Variants in WWTR1 observed in about 807,000 individuals in gnomAD.
The protein encoded by WWTR1 is WW domain containing transcription regulator 1.
A neutral mutation model predicts 40.1 loss-of-function variants in WWTR1; 13 were observed. That is an observed-to-expected ratio of 0.32 (90% CI 0.21 to 0.52). WWTR1 has a LOEUF of 0.52. Ranked by LOEUF, WWTR1 falls within the 20% of genes least tolerant of loss-of-function variation. The pLI is 0.97. For missense variants in WWTR1, 436 were observed against 523.1 expected (o/e 0.83, Z 1.63); for synonymous variants, 230 against 210.1 (o/e 1.09, Z -0.82).
chr3:149,705,245 C>T (rs1022687978), upstream of WWTR1, among the ~76,000 whole-genome samples: 3 of 151,980 alleles, frequency 2.0e-5, no homozygotes, highest in Non-Finnish European at 4.4e-5. Flanking sequence ...CATAATAAAT[C>T]AATAATTCAA....
chr3:149,713,111 CAGAAA>C (rs1347446190), intron 5 of WWTR1, among the ~76,000 whole-genome samples: 1 of 152,068 alleles, frequency 6.6e-6, no homozygotes, highest in Admixed American at 6.6e-5. Context: ...AGGTAATACT[CAGAAA>C]AGAAAAGGGT....
intron 3 of WWTR1, among the ~76,000 whole-genome samples, chr3:149,565,835 C>T (rs1300339495): frequency 1.4e-5 from 2 of 147,794 alleles, no homozygotes; most frequent in Non-Finnish European, 3.0e-5. Context: ...TGCTTGAACC[C>T]GGGAGGTGGA....
At chr3:149,721,096 C>T (rs1004485212) in intron 4 of WWTR1, among the ~76,000 whole-genome samples, 1 of 151,996 alleles carries the variant, frequency 6.6e-6, no homozygotes, top group African/African-American at 2.4e-5. Context: ...ATTTTAGATG[C>T]CTTTCATTTC....
intron 2 of WWTR1, among the ~76,000 whole-genome samples, chr3:149,651,136 G>T (rs1449913572): frequency 1.3e-5 from 2 of 152,112 alleles, no homozygotes; most frequent in African/African-American, 4.8e-5. Flanking sequence ...AGTATTTTTT[G>T]AATGACAAAG....
chr3:149,539,924 T>C (rs1025748622), intron 4 of WWTR1, among the ~76,000 whole-genome samples: 2 of 152,050 alleles, frequency 1.3e-5, no homozygotes, highest in Non-Finnish European at 2.9e-5. Flanking sequence ...TCTTAAATCA[T>C]ATCTTTGACA....
chr3:149,670,659 G>GAAAA (rs1410316477), intron 1 of WWTR1: 1 of 135,524 alleles, frequency 7.4e-6, no homozygotes, highest in African/African-American at 2.9e-5. Context: ...AAAAAAAAAA[G>GAAAA]AAAAGAAAAG....
rs1736234112 is a variant in WWTR1 at position 149,543,597 on chromosome 3, A to AAGAAAG, written c.569-1061_569-1060insCTTTCT. Among the ~76,000 whole-genome samples the AAGAAAG allele has an allele frequency of 1.4e-5, 2 of 146,546 alleles. 1 individual carries two copies. The highest frequency in any genetic ancestry group is 3.9e-4 in the East Asian group (2 of 5,102). On this transcript the variant is annotated intron_variant, in intron 3 of 6. Transcript: ENST00000360632. ...CTCTGTCTCAAAAAAAAAAAAAAAA[A>AAGAAAG]AAAAAAGAACTTCACTTTACAAAAA...
chr3:149,702,985 G>A (rs1715242720), intron 1 of WWTR1: 1 of 152,202 alleles, frequency 6.6e-6, no homozygotes, highest in African/African-American at 2.4e-5. Flanking sequence ...TGGGGTTAAA[G>A]ATGTAGAAAG....
At position 149,632,340 on chromosome 3, in the gene WWTR1, G is replaced by A. The variant is rs527858837; in HGVS notation, c.431+24536C>T. Among the ~76,000 whole-genome samples the A allele has an allele frequency of 1.1e-4, 16 of 152,282 alleles. No homozygotes were observed. The East Asian group carries it at 1.7e-3, about 17-fold the overall frequency. On this transcript the variant is annotated intron_variant, in intron 2 of 6. Transcript: ENST00000360632. ...GCTCTGACTCTAAGGAAACAGGCAA[G>A]GTAGTTCCCACTTTACCAACGAGGA... is the stretch of plus-strand genomic sequence containing the variant.
chr3:149,614,141 G>A (rs555583318), intron 2 of WWTR1, among the ~76,000 whole-genome samples: 1 of 152,248 alleles, frequency 6.6e-6, no homozygotes, highest in South Asian at 2.1e-4. Context: ...TCCTCTGAGA[G>A]CTATTACTGA....
intron 2 of WWTR1, among the ~76,000 whole-genome samples, chr3:149,637,116 C>T (rs560535500): frequency 6.6e-6 from 1 of 152,084 alleles, no homozygotes; most frequent in South Asian, 2.1e-4. Context: ...TCTATTATTT[C>T]TAAACTCAAT....
chr3:149,639,095 C>G (rs1000676992), intron 2 of WWTR1, among the ~76,000 whole-genome samples: 12 of 152,280 alleles, frequency 7.9e-5, no homozygotes, highest in Non-Finnish European at 1.5e-4. Flanking sequence ...TCAAGGCAGC[C>G]CATTCCAAAA....
intron 2 of WWTR1, among the ~76,000 whole-genome samples, chr3:149,612,102 C>T (rs142698541): frequency 1.3e-4 from 20 of 152,272 alleles, no homozygotes; most frequent in African/African-American, 4.8e-4. Context: ...TAGGAAGACA[C>T]TCATATTGGA....
At chr3:149,612,529 G>C (rs900854173) in intron 2 of WWTR1, among the ~76,000 whole-genome samples, 8 of 152,130 alleles carry the variant, frequency 5.3e-5, no homozygotes, top group African/African-American at 1.7e-4. Flanking sequence ...GTGTTCGGAT[G>C]AGTCCCTTAA....
chr3:149,527,157 CT>C (rs71135697), intron 5 of WWTR1, among the ~76,000 whole-genome samples: 36 of 72,112 alleles, frequency 5.0e-4, no homozygotes, highest in East Asian at 3.2e-3. Context: ...TCTTTTCTTT[CT>C]TTTTTTTTTT....
chr3:149,623,479 TG>T (rs1740409050), intron 2 of WWTR1, among the ~76,000 whole-genome samples: 1 of 152,244 alleles, frequency 6.6e-6, no homozygotes, highest in African/African-American at 2.4e-5. Flanking sequence ...AATGGAATTC[TG>T]GGCAGTCCCA....
chr3:149,557,620 C>A (rs1736888449), intron 3 of WWTR1, among the ~76,000 whole-genome samples: 1 of 152,150 alleles, frequency 6.6e-6, no homozygotes, highest in South Asian at 2.1e-4. Flanking sequence ...CACACAAGGC[C>A]CCATGGTATG....
intron 1 of WWTR1, among the ~76,000 whole-genome samples, chr3:149,675,723 CT>C (rs142798215): frequency 0.044 from 6,502 of 146,728 alleles, 278 homozygotes; most frequent in East Asian, 0.13. Flanking sequence ...AAATTTCTTT[CT>C]TTTTTTTTTT....
intron 2 of WWTR1, among the ~76,000 whole-genome samples, chr3:149,635,999 G>A (rs1272703286): frequency 6.6e-6 from 1 of 152,116 alleles, no homozygotes; most frequent in East Asian, 1.9e-4. Flanking sequence ...TCTTGGGTCT[G>A]TGTGATCTTA....
Sources: gnomAD v4.1 joint callset for allele counts (sites outside exome capture counted in the v4.1 genomes callset) on GRCh38, gnomAD v4.1.1 for gene constraint, MANE v1.5 for transcripts, NCBI Gene and HGNC (gene_info 2026-07-23, HGNC 2026-07-21) for gene names.